Variants in HEPACAM observed in about 807,000 individuals in gnomAD.
HEPACAM encodes the protein hepatic and glial cell adhesion molecule.
HEPACAM carries 18 observed loss-of-function variants against 38.3 expected under a neutral mutation model. That is an observed-to-expected ratio of 0.47 (90% CI 0.33 to 0.70). The LOEUF (loss-of-function observed/expected upper bound fraction) is 0.70. Ranked by LOEUF, HEPACAM falls within the 30% of genes least tolerant of loss-of-function variation. The pLI is 0.03. For missense variants in HEPACAM, 466 were observed against 563.0 expected, an observed-to-expected ratio of 0.83 and a Z score of 1.74; for synonymous variants, 216 against 243.1, an observed-to-expected ratio of 0.89 and a Z score of 1.04.
chr11:124,928,686 C>CA (rs1565340886), intron 1 of HEPACAM, among the ~76,000 whole-genome samples: 1 of 152,054 alleles, frequency 6.6e-6, no homozygotes, highest in East Asian at 1.9e-4. Flanking sequence ...AAAGACTAAT[C>CA]AAAAAAAGAA....
chr11:124,921,462 G>T lies in HEPACAM; in HGVS notation c.949-22C>A. ...AGTCCTGCAAGGACACGCGCCGCAG[G>T]GGTCAGGGGACAGTCAGCCCAGCCT... is the stretch of plus-strand genomic sequence containing the variant. On this transcript the variant is annotated intron_variant, in intron 6 of 6. Coordinates refer to ENST00000298251, the MANE Select transcript of HEPACAM (RefSeq NM_152722.5). The surrounding 1 kb of genome is among the most constrained non-coding windows in gnomAD (Gnocchi z 4.6). 8.0e-7 allele frequency: 1 copy of T among 1,247,882 alleles called. No homozygotes were observed. The highest frequency in any genetic ancestry group is 1.0e-6 in the Non-Finnish European group (1 of 994,130). 77.3% of individuals were successfully genotyped at this position (1,247,882 alleles called of 1,614,324 possible).
chr11:124,926,887 G>C (rs77537307), intron 1 of HEPACAM, among the ~76,000 whole-genome samples: 1 of 151,606 alleles, frequency 6.6e-6, no homozygotes, highest in Non-Finnish European at 1.5e-5. Context: ...TTTTTTTTTT[G>C]AGACGGAGTC....
rs886047922 is a variant in HEPACAM at position 124,920,276 on chromosome 11, G to T, written c.*862C>A. 89 of 1,029,536 alleles carry T rather than the reference G, an allele frequency of 8.6e-5. No homozygotes were observed. Among genetic ancestry groups the T allele is most frequent in the Non-Finnish European group, 1.2e-4 (84 of 705,310 alleles). 63.8% of individuals were successfully genotyped at this position (1,029,536 alleles called of 1,614,324 possible). A position where few individuals can be genotyped will look rare whatever the true frequency, so the allele number is the denominator to read the frequency against. ...CAGGAGGAATATATGAGTTTGATGA[G>T]CTAAAACAGTTCCTCATTTGGTCTA... On this transcript the variant is annotated 3_prime_UTR_variant, in exon 7 of 7. Coordinates refer to ENST00000298251, the MANE Select transcript of HEPACAM (RefSeq NM_152722.5).
At chr11:124,934,923 G>T (rs1947323884) in intron 1 of HEPACAM, among the ~76,000 whole-genome samples, 1 of 152,016 alleles carries the variant, frequency 6.6e-6, no homozygotes, top group South Asian at 2.1e-4. Context: ...CAAAGCTCTT[G>T]CCTCACTCAA....
rs1947158083 is a variant in HEPACAM at position 124,922,777 on chromosome 11, A to G, written c.845T>C (p.Met282Thr). 2 of 1,614,150 alleles carry G rather than the reference A, an allele frequency of 1.2e-6. No individual in the cohort carries two copies. Among genetic ancestry groups the G allele is most frequent in the African/African-American group, 2.7e-5 (2 of 75,024 alleles). The part of the protein sequence containing the change: ...KLEKQNSLEY[M>T]DQNDDRLKPE... The stretch of plus-strand genomic sequence containing the variant: ...TTTCAGGCGGTCATCATTCTGATCC[A>G]TGTATTCCAGGGAGTTTTGCTTTTC... Residue 282 changes from methionine to threonine, a missense_variant, in exon 5 of 7, where the codon ATG becomes ACG. Physicochemically the swap from Met to Thr is moderately conservative, Grantham distance 81. Transcript: ENST00000298251.
chr11:124,922,252 T>C, intron 6 of HEPACAM, 136 bp downstream of exon 6: 1 of 973,056 alleles, frequency 1.0e-6, no homozygotes, highest in Non-Finnish European at 1.7e-6. Flanking sequence ...TTTTCTTCCT[T>C]GAAACCAGTC....
chr11:124,920,695 A>AC lies in HEPACAM; in HGVS notation c.*442_*443insG. 9.7e-7 allele frequency: 1 copy of AC among 1,026,306 alleles called. No individual in the cohort carries two copies. Among genetic ancestry groups the AC allele is most frequent in the Non-Finnish European group, 1.2e-6 (1 of 852,900 alleles). The allele number at this position is 1,026,306 out of a possible 1,614,324, so 63.6% of individuals were successfully genotyped here. On this transcript the variant is annotated 3_prime_UTR_variant, in exon 7 of 7. Transcript: ENST00000298251. ...TGAACTTGCAAAAAAAAAAAAAAAA[A>AC]AAAAAAAAAAAAAAGTGCCCCAGCA...
In HEPACAM at chr11:124,921,705, C is replaced by T. The variant is rs139178836; in HGVS notation, c.949-265G>A. 0.012 allele frequency among the ~76,000 whole-genome samples: 1,826 copies of T among 149,678 alleles called. 18 individuals are homozygous for T. The highest frequency in any genetic ancestry group is 0.031 in the Middle Eastern group (9 of 294). ...CCTTTACTCTCCTCTTTCCACCCGTCGTGGACAGCCTGGGACAGTTAGTTG... is the reference window on the plus strand; with the variant it reads ...CCTTTACTCTCCTCTTTCCACCCGTTGTGGACAGCCTGGGACAGTTAGTTG... On this transcript the variant is annotated intron_variant, in intron 6 of 6. Transcript: ENST00000298251. The surrounding 1 kb of genome is among the most constrained non-coding windows in gnomAD (Gnocchi z 4.6).
chr11:124,921,043 T>TC lies in HEPACAM; in HGVS notation c.*94dup. The TC allele has an allele frequency of 7.0e-7, 1 of 1,418,704 alleles. No individual in the cohort carries two copies. The highest frequency in any genetic ancestry group is 2.9e-5 in the East Asian group (1 of 33,970). 87.9% of individuals were successfully genotyped at this position (1,418,704 alleles called of 1,614,324 possible). On this transcript the variant is annotated 3_prime_UTR_variant, in exon 7 of 7. Coordinates refer to ENST00000298251, the MANE Select transcript of HEPACAM (RefSeq NM_152722.5). This position sits in a 1 kb window ranked among gnomAD's most constrained non-coding sequence, Gnocchi z 4.6. Reference sequence around the variant, plus strand: ...AGCGCCCCCCCGGGACCTCCCCTCGTCCCCAGCGCGCCGCGCCCGGGCTTC... The same window carrying TC: ...AGCGCCCCCCCGGGACCTCCCCTCGTCCCCCAGCGCGCCGCGCCCGGGCTTC...
chr11:124,935,488 C>T (rs1947331267), intron 1 of HEPACAM, among the ~76,000 whole-genome samples: 1 of 152,140 alleles, frequency 6.6e-6, no homozygotes, highest in Non-Finnish European at 1.5e-5. Context: ...TCCAAAGCTT[C>T]TTTCATCTGC....
chr11:124,925,689 C>T (rs954286222), intron 1 of HEPACAM, among the ~76,000 whole-genome samples: 1 of 152,114 alleles, frequency 6.6e-6, no homozygotes, highest in African/African-American at 2.4e-5. Context: ...ATGCATGTAG[C>T]ATCTTACTAG....
intron 1 of HEPACAM, among the ~76,000 whole-genome samples, chr11:124,932,407 C>G (rs1947290509): frequency 6.6e-6 from 1 of 152,102 alleles, no homozygotes; most frequent in African/African-American, 2.4e-5. Flanking sequence ...CTATGTCTGT[C>G]AGTTAATGTC....
chr11:124,922,460 T>C lies in HEPACAM; in HGVS notation c.878-2A>G. On this transcript the variant is annotated splice_acceptor_variant, in intron 5 of 6. Coordinates refer to ENST00000298251, the MANE Select transcript of HEPACAM (RefSeq NM_152722.5). LOFTEE classifies it high-confidence loss of function. ...CACCACTTCGAGGGAGGGTGTCTGC[T>C]GCACAGGGGAGAGAAGCGGGTGGCT... The C allele has an allele frequency of 6.2e-7, 1 of 1,614,156 alleles. No homozygotes were observed. Among genetic ancestry groups the C allele is most frequent in the Non-Finnish European group, 8.5e-7 (1 of 1,180,008 alleles).
At position 124,921,072 on chromosome 11, in the gene HEPACAM, G is replaced by C. The variant is rs1947126816; in HGVS notation, c.*66C>G. The C allele has an allele frequency of 2.0e-6, 3 of 1,500,972 alleles. No homozygotes were observed. The highest frequency in any genetic ancestry group is 2.5e-5 in the South Asian group (2 of 80,854). 93.0% of individuals were successfully genotyped at this position (1,500,972 alleles called of 1,614,324 possible). A position where few individuals can be genotyped will look rare whatever the true frequency, so the allele number is the denominator to read the frequency against. ...CAGCGCGCCGCGCCCGGGCTTCCCA[G>C]CCCCAGCTTTCCCCCGGGCCACTGG... is the stretch of plus-strand genomic sequence containing the variant. On this transcript the variant is annotated 3_prime_UTR_variant, in exon 7 of 7. Coordinates refer to ENST00000298251, the MANE Select transcript of HEPACAM (RefSeq NM_152722.5). This position sits in a 1 kb window ranked among gnomAD's most constrained non-coding sequence, Gnocchi z 4.6.
In HEPACAM at chr11:124,920,445, G is replaced by C; in HGVS notation, c.*693C>G. 2 of 1,546,640 alleles carry C rather than the reference G, an allele frequency of 1.3e-6. No homozygotes were observed. The highest frequency in any genetic ancestry group is 1.7e-4 in the Middle Eastern group (1 of 5,970). ...CTGTGGGAGGAGGCCAAGCTGGCAG[G>C]CTCGGGTTCTTTGCCCTTGCTAGCG... On this transcript the variant is annotated 3_prime_UTR_variant, in exon 7 of 7. Coordinates refer to ENST00000298251, the MANE Select transcript of HEPACAM (RefSeq NM_152722.5).
chr11:124,924,064 T>G lies in HEPACAM; in HGVS notation c.428-54A>C. The G allele has an allele frequency of 6.5e-7, 1 of 1,538,580 alleles. No individual in the cohort carries two copies. Among genetic ancestry groups the G allele is most frequent in the Non-Finnish European group, 8.8e-7 (1 of 1,140,830 alleles). The stretch of plus-strand genomic sequence containing the variant: ...AGTCATTGGCTAAGAAGTGTCTCCC[T>G]TCCCCTTTTTAGCTCCCTGCCTTCC... On this transcript the variant is annotated intron_variant, in intron 2 of 6. Transcript: ENST00000298251. This position sits in a 1 kb window ranked among gnomAD's most constrained non-coding sequence, Gnocchi z 4.4.
chr11:124,934,115 T>G (rs1164061396), intron 1 of HEPACAM, among the ~76,000 whole-genome samples: 1 of 152,174 alleles, frequency 6.6e-6, no homozygotes, highest in Non-Finnish European at 1.5e-5. Flanking sequence ...CACGGAAGCC[T>G]CATAAGTATT....
chr11:124,925,148 G>A, intron 1 of HEPACAM, 79 bp from the exon 2 acceptor site: 3 of 1,156,292 alleles, frequency 2.6e-6, no homozygotes, highest in African/African-American at 1.5e-5. Context: ...TAAGCCCTCT[G>A]ATCTCCCAAA....
intron 1 of HEPACAM, among the ~76,000 whole-genome samples, chr11:124,928,030 T>C (rs943118608): frequency 2.0e-5 from 3 of 152,246 alleles, no homozygotes; most frequent in Non-Finnish European, 4.4e-5. Context: ...CAACATAAAC[T>C]ATTTTCAGAC....
Sources: allele counts gnomAD v4.1 joint callset (sites outside exome capture counted in the v4.1 genomes callset), GRCh38; gene constraint gnomAD v4.1.1; non-coding constraint Gnocchi (gnomAD v3.1); transcripts MANE v1.5; gene names NCBI Gene and HGNC (gene_info 2026-07-23, HGNC 2026-07-21).